PTPRM: variants seen among roughly 807,000 people sequenced by gnomAD.
PTPRM encodes the protein receptor-type tyrosine-protein phosphatase mu.
A neutral mutation model predicts 186.7 loss-of-function variants in PTPRM; 47 were observed. That is an observed-to-expected ratio of 0.25 (90% confidence interval 0.20 to 0.32). The LOEUF (loss-of-function observed/expected upper bound fraction) is 0.32. Ranked by LOEUF, PTPRM falls within the 10% of genes least tolerant of loss-of-function variation. The probability of loss-of-function intolerance (pLI) is 1.00; values close to 1 mark genes in which losing one functional copy is unlikely to be tolerated. For missense variants in PTPRM, 1,494 were observed against 1,865.0 expected (o/e 0.80, Z 3.66); for synonymous variants, 668 against 674.9 (o/e 0.99, Z 0.16).
intron 30 of PTPRM, among the ~76,000 whole-genome samples, chr18:8,385,010 T>C (rs2095762791): frequency 6.6e-6 from 1 of 151,916 alleles, no homozygotes; most frequent in African/African-American, 2.4e-5. Flanking sequence ...AGGCAGGAAT[T>C]TATAGCCAGC....
At chr18:8,232,960 G>A (rs1270429370) in intron 14 of PTPRM, among the ~76,000 whole-genome samples, 1 of 152,174 alleles carries the variant, frequency 6.6e-6, no homozygotes, top group South Asian at 2.1e-4. Context: ...TTGGTTCACA[G>A]CAGGCTTGTG....
At chr18:7,608,770 G>A (rs1011977752) in intron 1 of PTPRM, among the ~76,000 whole-genome samples, 48 of 152,174 alleles carry the variant, frequency 3.2e-4, no homozygotes, top group Non-Finnish European at 4.0e-4. Flanking sequence ...GCTGTCTTCG[G>A]GAAGCTGGAG....
At chr18:7,949,111 G>T in intron 5 of PTPRM, 70 bp from the exon 6 acceptor site, 1 of 1,389,580 alleles carries the variant, frequency 7.2e-7, no homozygotes. Flanking sequence ...ATATACCATT[G>T]GGTGTCTGAC....
chr18:8,290,632 G>A (rs2095032557), intron 19 of PTPRM, among the ~76,000 whole-genome samples: 1 of 152,182 alleles, frequency 6.6e-6, no homozygotes, highest in African/African-American at 2.4e-5. Context: ...CCCATGGAGA[G>A]TACAGCATCT....
intron 8 of PTPRM, among the ~76,000 whole-genome samples, chr18:8,075,705 A>G (rs1430516658): frequency 1.3e-5 from 2 of 152,140 alleles, no homozygotes; most frequent in Non-Finnish European, 2.9e-5. Context: ...CCCAAATCAC[A>G]TATAGTATTA....
intron 14 of PTPRM, among the ~76,000 whole-genome samples, chr18:8,227,605 A>G (rs1032147397): frequency 1.3e-5 from 2 of 152,166 alleles, no homozygotes; most frequent in African/African-American, 2.4e-5. Context: ...CCTTGTTTCT[A>G]TTACATAGAG....
chr18:7,683,559 T>C (rs970647128), intron 1 of PTPRM, among the ~76,000 whole-genome samples: 4 of 152,156 alleles, frequency 2.6e-5, no homozygotes, highest in South Asian at 2.1e-4. Flanking sequence ...ATGTGGGAGA[T>C]TGGCATAGGA....
At chr18:7,702,109 T>A (rs2039979646) in intron 1 of PTPRM, among the ~76,000 whole-genome samples, 2 of 152,164 alleles carry the variant, frequency 1.3e-5, no homozygotes, top group African/African-American at 4.8e-5. Flanking sequence ...TGATGGGCAT[T>A]TGGGTTGGTT....
At chr18:7,930,378 A>G (rs758037692) in intron 5 of PTPRM, among the ~76,000 whole-genome samples, 1 of 152,142 alleles carries the variant, frequency 6.6e-6, no homozygotes, top group African/African-American at 2.4e-5. Flanking sequence ...CCTATTTACA[A>G]TAATTTTTAC....
At chr18:7,628,842 G>A (rs2038123054) in intron 1 of PTPRM, among the ~76,000 whole-genome samples, 1 of 152,170 alleles carries the variant, frequency 6.6e-6, no homozygotes, top group Non-Finnish European at 1.5e-5. Flanking sequence ...TTCCGTGCAT[G>A]CTTGAGCAAT....
chr18:8,171,022 A>T (rs1197465650), intron 14 of PTPRM, among the ~76,000 whole-genome samples: 1 of 152,202 alleles, frequency 6.6e-6, no homozygotes, highest in African/African-American at 2.4e-5. Flanking sequence ...AATGTTCTTC[A>T]GTCATTTTGC....
intron 7 of PTPRM, among the ~76,000 whole-genome samples, chr18:8,053,090 A>C (rs548305587): frequency 2.0e-5 from 3 of 152,078 alleles, no homozygotes; most frequent in Non-Finnish European, 4.4e-5. Flanking sequence ...GTGGTTGCCA[A>C]TGTCTTCTAT....
chr18:7,701,713 T>A (rs1220671965), intron 1 of PTPRM, among the ~76,000 whole-genome samples: 4 of 152,084 alleles, frequency 2.6e-5, no homozygotes, highest in Admixed American at 2.0e-4. Flanking sequence ...CAGACTATTT[T>A]TTATTATTAT....
intron 2 of PTPRM, among the ~76,000 whole-genome samples, chr18:7,860,493 T>C (rs2047321807): frequency 6.6e-6 from 1 of 152,074 alleles, no homozygotes. Flanking sequence ...TTGTTCAATC[T>C]CAGATCCCAG....
intron 23 of PTPRM, among the ~76,000 whole-genome samples, chr18:8,344,721 C>T (rs2095496248): frequency 6.6e-6 from 1 of 151,424 alleles, no homozygotes; most frequent in Admixed American, 6.6e-5. Flanking sequence ...GCAGGGGGTT[C>T]TGTGTGAGTG....
intron 5 of PTPRM, among the ~76,000 whole-genome samples, chr18:7,927,023 C>A (rs2051212850): frequency 6.6e-6 from 1 of 152,164 alleles, no homozygotes; most frequent in Non-Finnish European, 1.5e-5. Flanking sequence ...TTCTCTCTCT[C>A]TCTCTCTCTT....
At chr18:7,910,021 G>C (rs527369682) in intron 4 of PTPRM, among the ~76,000 whole-genome samples, 1 of 152,210 alleles carries the variant, frequency 6.6e-6, no homozygotes, top group South Asian at 2.1e-4. Context: ...GTTGCCTCCT[G>C]TTCTTAAATA....
At chr18:7,915,302 G>A (rs2050489727) in intron 4 of PTPRM, among the ~76,000 whole-genome samples, 1 of 152,130 alleles carries the variant, frequency 6.6e-6, no homozygotes, top group Non-Finnish European at 1.5e-5. Context: ...AGCTGGCATA[G>A]CATTTTGAAA....
intron 19 of PTPRM, among the ~76,000 whole-genome samples, chr18:8,287,155 A>G (rs1338710131): frequency 1.3e-5 from 2 of 152,194 alleles, no homozygotes; most frequent in South Asian, 2.1e-4. Flanking sequence ...TCCAAATACT[A>G]TATAGAGTCA....
Sources: gnomAD v4.1 joint callset for allele counts (sites outside exome capture counted in the v4.1 genomes callset) on GRCh38, gnomAD v4.1.1 for gene constraint, MANE v1.5 for transcripts, NCBI Gene and HGNC (gene_info 2026-07-23, HGNC 2026-07-21) for gene names.